ZBBX: variants seen among roughly 807,000 people sequenced by gnomAD.
ZBBX encodes the protein zinc finger B-box domain containing, also known as zinc finger B-box domain-containing protein 1.
In ZBBX, 101 loss-of-function variants were observed where a neutral mutation model predicts 108.5. The observed-to-expected ratio is 0.93, with a 90% CI of 0.79 to 1.10. ZBBX has a LOEUF of 1.10. ZBBX is among the 50% of genes least tolerant of loss of function. The pLI, the probability that ZBBX is intolerant of heterozygous loss-of-function variation, is 0.00. For missense variants in ZBBX, 1,009 were observed against 941.4 expected (o/e 1.07, Z -0.94); for synonymous variants, 356 against 323.4 (o/e 1.10, Z -1.08).
At chr3:167,180,373 G>A in the ZBBX span, among the ~76,000 whole-genome samples, 4 of 152,176 alleles carry the variant, frequency 2.6e-5, no homozygotes, top group African/African-American at 4.8e-5. Context: ...GTCATTTAAT[G>A]TTTTCAATTG....
chr3:167,223,705 A>C, the ZBBX span, among the ~76,000 whole-genome samples: 47,171 of 151,736 alleles, frequency 0.31, 7,757 homozygotes, highest in East Asian at 0.65. Context: ...AATTCAGGCA[A>C]AATTTTTGCC....
chr3:167,335,384 G>A (rs528820887), intron 9 of ZBBX, among the ~76,000 whole-genome samples: 1 of 152,088 alleles, frequency 6.6e-6, no homozygotes, highest in Non-Finnish European at 1.5e-5. Context: ...ATTCTCTGAA[G>A]GGTTTTCTAT....
chr3:167,321,988 T>A (rs1196665516), intron 12 of ZBBX, 129 bp downstream of exon 12: 2 of 509,982 alleles, frequency 3.9e-6, no homozygotes, highest in Non-Finnish European at 6.2e-6. Context: ...AGGGATTTAA[T>A]CTTGCTTTAA....
chr3:167,253,823 A>G (rs1723020280), intron 20 of ZBBX, among the ~76,000 whole-genome samples: 1 of 152,206 alleles, frequency 6.6e-6, no homozygotes, highest in Non-Finnish European at 1.5e-5. Context: ...AACGGGTGAA[A>G]AAAATAAAAA....
intron 12 of ZBBX, among the ~76,000 whole-genome samples, chr3:167,320,157 T>C (rs1368031419): frequency 6.6e-6 from 1 of 151,430 alleles, no homozygotes; most frequent in African/African-American, 2.4e-5. Context: ...GGAACCAGTA[T>C]TTTTTAGAAA....
intron 9 of ZBBX, among the ~76,000 whole-genome samples, chr3:167,341,012 A>C (rs1259790343): frequency 2.6e-5 from 4 of 151,992 alleles, no homozygotes; most frequent in African/African-American, 9.7e-5. Flanking sequence ...TACTTATTGC[A>C]AGCTAGATAG....
chr3:167,328,002 G>C lies in ZBBX; in HGVS notation c.802C>G (p.Gln268Glu). 1 of 1,603,056 alleles carries C rather than the reference G, an allele frequency of 6.2e-7. No individual in the cohort carries two copies. The highest frequency in any genetic ancestry group is 1.7e-5 in the Admixed American group (1 of 59,322). ...TCATCATGATTTCCGGTTCTCCATT[G>C]ACTTAACACTTCCTGAAAGGACTGT... is the stretch of plus-strand genomic sequence containing the variant. Reference protein sequence around the residue: ...SAQSFQEVLSQWRTGNHDDNK... With the variant: ...SAQSFQEVLSEWRTGNHDDNK... Residue 268 changes from glutamine to glutamate, a missense_variant, in exon 11 of 22, where the codon CAA becomes GAA. Transcript: ENST00000675490.
chr3:167,342,232 G>C (rs1469051996), intron 9 of ZBBX, among the ~76,000 whole-genome samples: 1 of 151,604 alleles, frequency 6.6e-6, no homozygotes, highest in African/African-American at 2.4e-5. Context: ...AATTTGTCAG[G>C]TTCCATGAAA....
intron 10 of ZBBX, among the ~76,000 whole-genome samples, chr3:167,328,388 T>G (rs185649297): frequency 2.4e-4 from 37 of 152,260 alleles, no homozygotes; most frequent in Non-Finnish European, 4.1e-4. Context: ...ATTATGCTGT[T>G]CACCAGTGTT....
At position 167,314,129 on chromosome 3, in the gene ZBBX, G is replaced by A. The variant is rs1051799279; in HGVS notation, c.1275-13C>T. The A allele has an allele frequency of 3.2e-6, 5 of 1,559,986 alleles. No homozygotes were observed. The highest frequency in any genetic ancestry group is 2.0e-5 in the Admixed American group (1 of 48,842). On this transcript the variant is annotated splice_polypyrimidine_tract_variant and intron_variant, in intron 15 of 21. Coordinates refer to ENST00000675490, the MANE Select transcript of ZBBX (RefSeq NM_001199201.2). ...ATGAAAAGCACAACTTTCACATGTA[G>A]GAACAAACAAAATAATAGAGTTGAA...
chr3:167,240,227 A>G lies in ZBBX; in HGVS notation c.*566T>C, dbSNP rs1046834629. 6.6e-6 allele frequency: 1 copy of G among 152,524 alleles called. No homozygotes were observed. Among genetic ancestry groups the G allele is most frequent in the African/African-American group, 2.4e-5 (1 of 41,466 alleles). The allele number at this position is 152,524 out of a possible 1,614,324, so 9.4% of individuals were successfully genotyped here. On this transcript the variant is annotated 3_prime_UTR_variant, in exon 22 of 22. Transcript: ENST00000675490. The stretch of plus-strand genomic sequence containing the variant: ...TCACTACATTGACCTTCTTAAAAAA[A>G]GATGCTTAGAGGTCTTTACTGTGTT...
chr3:167,317,130 T>A (rs1419059528), intron 13 of ZBBX, 25 bp from the exon 14 acceptor site: 1 of 1,408,908 alleles, frequency 7.1e-7, no homozygotes, highest in Non-Finnish European at 1.0e-6. Flanking sequence ...TCACAAATAA[T>A]ATCATCAAAG....
intron 8 of ZBBX, among the ~76,000 whole-genome samples, chr3:167,350,817 T>C (rs977972203): frequency 4.6e-5 from 7 of 152,124 alleles, no homozygotes; most frequent in African/African-American, 1.7e-4. Context: ...GATGTATGCA[T>C]AGTTTCTGAA....
intron 8 of ZBBX, among the ~76,000 whole-genome samples, chr3:167,352,667 C>A (rs1254117608): frequency 6.7e-6 from 1 of 149,502 alleles, no homozygotes; most frequent in African/African-American, 2.5e-5. Flanking sequence ...CAGGCAAGGA[C>A]ACAATAAAAC....
At chr3:167,360,074 T>G in intron 7 of ZBBX, 95 bp from the exon 8 acceptor site, 1 of 464,206 alleles carries the variant, frequency 2.2e-6, no homozygotes, top group African/African-American at 2.0e-5. Context: ...TTCCCATCTC[T>G]GTATCAAACT....
the ZBBX span, among the ~76,000 whole-genome samples, chr3:167,221,429 C>G: frequency 6.6e-6 from 1 of 151,768 alleles, no homozygotes; most frequent in African/African-American, 2.4e-5. Flanking sequence ...AGGGCAGTCT[C>G]TTCAATAAAT....
Position 167,298,302 on chromosome 3 carries a change from T to C in ZBBX, c.1879+3A>G, listed in dbSNP as rs1337225369. On this transcript the variant is annotated splice_donor_region_variant and intron_variant, in intron 18 of 21. Transcript: ENST00000675490. ...GTTTTAGAAAAATGAGCTAGAAATTTACCTGCAAGTGTAATCCTAGTACTG... is the reference window on the plus strand; with the variant it reads ...GTTTTAGAAAAATGAGCTAGAAATTCACCTGCAAGTGTAATCCTAGTACTG... 6.3e-7 allele frequency: 1 copy of C among 1,585,574 alleles called. No individual in the cohort carries two copies. Among genetic ancestry groups the C allele is most frequent in the Non-Finnish European group, 8.6e-7 (1 of 1,168,060 alleles).
chr3:167,357,918 T>C (rs1228927286), intron 8 of ZBBX, among the ~76,000 whole-genome samples: 1 of 151,838 alleles, frequency 6.6e-6, no homozygotes, highest in Admixed American at 6.6e-5. Flanking sequence ...CAGTAAACTA[T>C]TGCAAGAACA....
chr3:167,260,458 A>G (rs1724282327), intron 20 of ZBBX, among the ~76,000 whole-genome samples: 1 of 152,190 alleles, frequency 6.6e-6, no homozygotes. Context: ...TCTTCCTCAG[A>G]ACACCAATTA....
Sources: gnomAD v4.1 joint callset for allele counts (sites outside exome capture counted in the v4.1 genomes callset) on GRCh38, gnomAD v4.1.1 for gene constraint, MANE v1.5 for transcripts, NCBI Gene and HGNC (gene_info 2026-07-23, HGNC 2026-07-21) for gene names.